ADGRB3: variants seen among roughly 807,000 people sequenced by gnomAD.
ADGRB3 encodes the protein adhesion G protein-coupled receptor B3.
ADGRB3 carries 37 observed loss-of-function variants against 193.4 expected under a neutral mutation model. That is an observed-to-expected ratio of 0.19 (90% CI 0.15 to 0.25). ADGRB3 has a LOEUF of 0.25. Among genes scored for constraint, ADGRB3 ranks in the 10% least tolerant of loss-of-function variants. ADGRB3 has a pLI of 1.00. For synonymous variants in ADGRB3, 690 were observed against 644.2 expected (o/e 1.07, Z -1.08); for missense variants, 1,637 against 1,852.9 (o/e 0.88, Z 2.14).
chr6:69,092,137 T>G (rs2150317921), intron 17 of ADGRB3, among the ~76,000 whole-genome samples: 1 of 152,302 alleles, frequency 6.6e-6, no homozygotes, highest in East Asian at 1.9e-4. Context: ...TTCTCCAGTA[T>G]CTCTTAAAAA....
chr6:69,002,549 G>T (rs1769612331), intron 11 of ADGRB3, among the ~76,000 whole-genome samples: 1 of 152,122 alleles, frequency 6.6e-6, no homozygotes, highest in South Asian at 2.1e-4. Flanking sequence ...TGATGAGCAA[G>T]CAGATATGTT....
At chr6:68,737,109 T>A (rs990433670) in intron 3 of ADGRB3, among the ~76,000 whole-genome samples, 1 of 152,150 alleles carries the variant, frequency 6.6e-6, no homozygotes, top group African/African-American at 2.4e-5. Flanking sequence ...ATTATAAAAA[T>A]GTTAAGAATA....
intron 17 of ADGRB3, among the ~76,000 whole-genome samples, chr6:69,104,553 A>AT (rs927152260): frequency 1.3e-5 from 2 of 151,718 alleles, no homozygotes; most frequent in African/African-American, 4.8e-5. Context: ...GTTTTATTAG[A>AT]TTTTTTCAAC....
chr6:68,818,446 GT>G (rs1214688160), intron 3 of ADGRB3, among the ~76,000 whole-genome samples: 1 of 151,980 alleles, frequency 6.6e-6, no homozygotes, highest in Admixed American at 6.6e-5. Context: ...CCAGTCTGGT[GT>G]GATATATGAA....
chr6:69,360,757 C>A (rs1228463797), intron 28 of ADGRB3, 112 bp from the exon 29 acceptor site: 2 of 1,113,780 alleles, frequency 1.8e-6, no homozygotes, highest in Non-Finnish European at 2.5e-6. Flanking sequence ...AATAACATAC[C>A]TACCAAATAA....
chr6:69,131,704 G>A (rs1330796187), intron 17 of ADGRB3, among the ~76,000 whole-genome samples: 1 of 151,868 alleles, frequency 6.6e-6, no homozygotes, highest in Non-Finnish European at 1.5e-5. Flanking sequence ...GTATATGTAT[G>A]CCATGGTGGT....
intron 3 of ADGRB3, among the ~76,000 whole-genome samples, chr6:68,863,423 GTGTT>G (rs1397880082): frequency 6.6e-6 from 1 of 151,864 alleles, no homozygotes; most frequent in Non-Finnish European, 1.5e-5. Context: ...AAATTATAAT[GTGTT>G]TGGGGTAAAA....
intron 19 of ADGRB3, among the ~76,000 whole-genome samples, chr6:69,237,424 G>C (rs986433639): frequency 6.6e-6 from 1 of 151,978 alleles, no homozygotes; most frequent in African/African-American, 2.4e-5. Context: ...CTATAGATAA[G>C]TTTGGCAGAG....
Position 69,003,403 on chromosome 6 carries a change from A to G in ADGRB3, c.1929+9441A>G, listed in dbSNP as rs185466836. 7.9e-4 allele frequency among the ~76,000 whole-genome samples: 121 copies of G among 152,276 alleles called. 3 individuals are homozygous for G. Among genetic ancestry groups the G allele is most frequent in the Admixed American group, 6.7e-3 (103 of 15,290 alleles). On this transcript the variant is annotated intron_variant, in intron 11 of 31. Transcript: ENST00000370598. ...AATGTATCAGGGAAAATGGAAACAA[A>G]AAAAAGCAGCACTCATCTTTAAGGT...
intron 3 of ADGRB3, among the ~76,000 whole-genome samples, chr6:68,909,110 G>A (rs1339153748): frequency 6.6e-6 from 1 of 152,104 alleles, no homozygotes; most frequent in African/African-American, 2.4e-5. Flanking sequence ...TGCACTATTA[G>A]GTAATGTGTG....
chr6:68,841,582 C>A (rs1490633191), intron 3 of ADGRB3, among the ~76,000 whole-genome samples: 1 of 152,048 alleles, frequency 6.6e-6, no homozygotes, highest in Admixed American at 6.5e-5. Flanking sequence ...ACACAACATA[C>A]CAAAATCTAT....
intron 20 of ADGRB3, among the ~76,000 whole-genome samples, chr6:69,266,497 A>G (rs1767042574): frequency 6.6e-6 from 1 of 152,066 alleles, no homozygotes. Context: ...TGTCCACAAA[A>G]GATTTATTAT....
chr6:68,825,094 T>C (rs1301710801), intron 3 of ADGRB3, among the ~76,000 whole-genome samples: 1 of 152,008 alleles, frequency 6.6e-6, no homozygotes, highest in African/African-American at 2.4e-5. Context: ...TGACGTCAGG[T>C]GATCAACCCG....
At chr6:68,769,393 A>G (rs1766572208) in intron 3 of ADGRB3, among the ~76,000 whole-genome samples, 2 of 152,232 alleles carry the variant, frequency 1.3e-5, no homozygotes, top group Non-Finnish European at 2.9e-5. Context: ...TTGTGGGGAC[A>G]TGGATGAAGC....
chr6:69,025,259 A>T (rs1428068348), intron 13 of ADGRB3, among the ~76,000 whole-genome samples: 1 of 152,172 alleles, frequency 6.6e-6, no homozygotes, highest in Non-Finnish European at 1.5e-5. Flanking sequence ...TTTCATCAGC[A>T]CCAAACCTAT....
chr6:68,991,419 T>C (rs930752283), intron 10 of ADGRB3, among the ~76,000 whole-genome samples: 6 of 151,732 alleles, frequency 4.0e-5, no homozygotes, highest in African/African-American at 1.5e-4. Flanking sequence ...GCAGGTAAGG[T>C]TGAGCCTGAT....
Position 68,638,960 on chromosome 6 carries a change from T to A in ADGRB3, c.285T>A (p.His95Gln). 6.2e-7 allele frequency: 1 copy of A among 1,613,850 alleles called. No individual in the cohort carries two copies. Among genetic ancestry groups the A allele is most frequent in the Non-Finnish European group, 8.5e-7 (1 of 1,179,936 alleles). ...LLAYQFDHFS[H>Q]EKIKDLLRKN... Reference sequence around the variant, plus strand: ...CTTATCAGTTTGATCATTTTTCCCATGAAAAAATAAAGGATCTTTTAAGAA... The same window carrying A: ...CTTATCAGTTTGATCATTTTTCCCAAGAAAAAATAAAGGATCTTTTAAGAA... Residue 95 changes from histidine (H) to glutamine (Q), a missense_variant, in exon 3 of 32, where the codon CAT (histidine) becomes CAA (glutamine). This residue lies in a region of ADGRB3 where 365 missense variants were observed against 409.8 expected (regional missense o/e 0.89). Transcript: ENST00000370598.
At chr6:69,055,850 C>T (rs944540906) in intron 15 of ADGRB3, among the ~76,000 whole-genome samples, 2 of 151,086 alleles carry the variant, frequency 1.3e-5, no homozygotes, top group African/African-American at 4.9e-5. Context: ...TTGTTTTGTG[C>T]ACACAGTCTC....
At chr6:69,225,265 TGGCCTCCTCC>T (rs1297194935) in intron 17 of ADGRB3, among the ~76,000 whole-genome samples, 5 of 152,220 alleles carry the variant, frequency 3.3e-5, no homozygotes, top group Non-Finnish European at 5.9e-5. Flanking sequence ...AATGGCTCAA[TGGCCTCCTCC>T]ATGCCCACCA....
Sources: gnomAD v4.1 joint callset for allele counts (sites outside exome capture counted in the v4.1 genomes callset) on GRCh38, gnomAD v4.1.1 for gene constraint, gnomAD v4.1.1 regional missense constraint, MANE v1.5 for transcripts, NCBI Gene and HGNC (gene_info 2026-07-23, HGNC 2026-07-21) for gene names.